EXOC4: variants seen among roughly 807,000 people sequenced by gnomAD.
EXOC4 encodes SEC8-like 1.
A neutral mutation model predicts 107.2 loss-of-function variants in EXOC4; 71 were observed. The observed-to-expected ratio is 0.66, with a 90% CI of 0.55 to 0.81. EXOC4 has a LOEUF of 0.81. Ranked by LOEUF, EXOC4 falls within the 30% of genes least tolerant of loss-of-function variation. The pLI is 0.00. For missense variants in EXOC4, 1,108 were observed against 1,189.6 expected, an observed-to-expected ratio of 0.93 and a Z score of 1.01; for synonymous variants, 456 against 441.2, an observed-to-expected ratio of 1.03 and a Z score of -0.42.
intron 9 of EXOC4, among the ~76,000 whole-genome samples, chr7:133,518,023 A>G (rs1254728013): frequency 6.6e-6 from 1 of 151,860 alleles, no homozygotes; most frequent in Non-Finnish European, 1.5e-5. Context: ...GGATGGTGCC[A>G]GATGGGATGC....
intron 14 of EXOC4, among the ~76,000 whole-genome samples, chr7:133,980,330 A>G (rs917153758): frequency 1.3e-5 from 2 of 152,206 alleles, no homozygotes; most frequent in African/African-American, 4.8e-5. Flanking sequence ...CAGGATCCTC[A>G]CCAGGGGGTT....
the EXOC4 span, among the ~76,000 whole-genome samples, chr7:134,084,950 G>A: frequency 1.3e-5 from 2 of 152,222 alleles, no homozygotes; most frequent in African/African-American, 2.4e-5. Flanking sequence ...TACAGAAATC[G>A]GAAGTAAGGC....
intron 7 of EXOC4, among the ~76,000 whole-genome samples, chr7:133,395,656 A>G (rs896345788): frequency 3.3e-5 from 5 of 152,048 alleles, no homozygotes; most frequent in Non-Finnish European, 7.4e-5. Flanking sequence ...AGAAAATTAT[A>G]TATATATACA....
intron 6 of EXOC4, among the ~76,000 whole-genome samples, chr7:133,359,536 A>G (rs1195281442): frequency 6.6e-6 from 1 of 152,140 alleles, no homozygotes; most frequent in Non-Finnish European, 1.5e-5. Context: ...AAATCCATGA[A>G]TCCTGTTTCC....
At chr7:133,519,662 A>G (rs890821293) in intron 9 of EXOC4, among the ~76,000 whole-genome samples, 1 of 152,202 alleles carries the variant, frequency 6.6e-6, no homozygotes. Context: ...AAAGAAAAAT[A>G]TGATAGAAGT....
chr7:133,378,441 C>T (rs1362441154), intron 7 of EXOC4, among the ~76,000 whole-genome samples: 1 of 151,774 alleles, frequency 6.6e-6, no homozygotes, highest in Admixed American at 6.6e-5. Context: ...CTTTTCCCCC[C>T]CACATTTCTT....
chr7:133,639,924 G>T (rs1802810983), intron 10 of EXOC4, among the ~76,000 whole-genome samples: 1 of 151,936 alleles, frequency 6.6e-6, no homozygotes, highest in African/African-American at 2.4e-5. Flanking sequence ...AGTTTCTAGG[G>T]TATCACTCTT....
intron 3 of EXOC4, among the ~76,000 whole-genome samples, chr7:133,302,284 A>G (rs886168170): frequency 4.6e-5 from 7 of 152,158 alleles, no homozygotes; most frequent in Non-Finnish European, 8.8e-5. Context: ...GGAAATATTT[A>G]TTTTCAATTC....
chr7:133,864,376 GACTA>G (rs1408022812), intron 11 of EXOC4, among the ~76,000 whole-genome samples: 1 of 152,120 alleles, frequency 6.6e-6, no homozygotes, highest in Admixed American at 6.6e-5. Context: ...TCCAGATCTT[GACTA>G]ACTCTGATTT....
At position 133,905,590 on chromosome 7, in the gene EXOC4, G is replaced by A. The variant is rs188483162; in HGVS notation, c.1871+9855G>A. The stretch of plus-strand genomic sequence containing the variant: ...TTAAAGATTGGAAATCGCAGTTTTC[G>A]GAAGTTTCTCTCTGTTCCAATTTAC... On this transcript the variant is annotated intron_variant, in intron 12 of 17. Coordinates refer to ENST00000253861, the MANE Select transcript of EXOC4 (RefSeq NM_021807.4). Among the ~76,000 whole-genome samples, 609 of 151,984 alleles carry A rather than the reference G, an allele frequency of 4.0e-3. 5 individuals carry two copies. The highest frequency in any genetic ancestry group is 0.014 in the African/African-American group (577 of 41,358).
At chr7:133,902,696 C>G (rs765473007) in intron 12 of EXOC4, among the ~76,000 whole-genome samples, 2 of 151,732 alleles carry the variant, frequency 1.3e-5, no homozygotes, top group African/African-American at 4.8e-5. Context: ...CTACTAAAAA[C>G]GCCAAAAAAT....
intron 5 of EXOC4, among the ~76,000 whole-genome samples, chr7:133,317,617 C>G (rs1465349989): frequency 1.3e-5 from 2 of 152,172 alleles, no homozygotes; most frequent in African/African-American, 2.4e-5. Context: ...GCAGCTGAAC[C>G]TGGCCTGCCT....
chr7:134,080,266 T>C, the EXOC4 span, among the ~76,000 whole-genome samples: 2 of 152,078 alleles, frequency 1.3e-5, no homozygotes, highest in Non-Finnish European at 2.9e-5. Flanking sequence ...CTTGATGGAA[T>C]GAGAAAAAAA....
Position 134,007,735 on chromosome 7 carries a change from A to G in EXOC4, c.2587A>G (p.Ser863Gly), listed in dbSNP as rs1794674559. Residue 863 changes from serine (S) to glycine (G), a missense_variant, in exon 17 of 18, where the codon AGT becomes GGT. Coordinates refer to ENST00000253861, the MANE Select transcript of EXOC4 (RefSeq NM_021807.4). Reference protein sequence around the residue: ...INGAQYFRRISESGIKKMCRN... With the variant: ...INGAQYFRRIGESGIKKMCRN... ...TGGTGCCCAGTACTTCAGGCGCATCAGTGAGTCTGGCATCAAGAAAATGTG... is the reference window on the plus strand; with the variant it reads ...TGGTGCCCAGTACTTCAGGCGCATCGGTGAGTCTGGCATCAAGAAAATGTG... 1.2e-6 allele frequency: 2 copies of G among 1,613,640 alleles called. No individual in the cohort carries two copies. Among genetic ancestry groups the G allele is most frequent in the Non-Finnish European group, 1.7e-6 (2 of 1,179,752 alleles).
At chr7:133,511,118 A>G (rs1165950196) in intron 9 of EXOC4, among the ~76,000 whole-genome samples, 1 of 152,096 alleles carries the variant, frequency 6.6e-6, no homozygotes, top group East Asian at 1.9e-4. Context: ...TTTCTATTAT[A>G]CCCTCTTAGG....
At chr7:133,458,602 T>C (rs909030197) in intron 7 of EXOC4, among the ~76,000 whole-genome samples, 3 of 152,198 alleles carry the variant, frequency 2.0e-5, no homozygotes, top group Admixed American at 6.5e-5. Context: ...GGCATTTCAC[T>C]CTGCTTCTCA....
intron 12 of EXOC4, among the ~76,000 whole-genome samples, chr7:133,900,087 A>G (rs564702864): frequency 3.6e-4 from 55 of 152,242 alleles, no homozygotes; most frequent in South Asian, 8.3e-4. Context: ...GCTGGACACA[A>G]TGCTTCTTAG....
intron 10 of EXOC4, among the ~76,000 whole-genome samples, chr7:133,664,926 G>A (rs963404875): frequency 1.1e-4 from 16 of 151,990 alleles, no homozygotes; most frequent in African/African-American, 3.9e-4. Context: ...GTATCTTTTT[G>A]TTTCTCCTTT....
intron 9 of EXOC4, among the ~76,000 whole-genome samples, chr7:133,557,873 C>T (rs1253648470): frequency 2.0e-5 from 3 of 152,224 alleles, no homozygotes; most frequent in South Asian, 4.2e-4. Context: ...TGCCTGTAAT[C>T]GCAGCTACTC....
Sources: allele counts gnomAD v4.1 joint callset (sites outside exome capture counted in the v4.1 genomes callset), GRCh38; gene constraint gnomAD v4.1.1; transcripts MANE v1.5; gene names NCBI Gene and HGNC (gene_info 2026-07-23, HGNC 2026-07-21).